Variants in AGAP1 observed in about 807,000 individuals in gnomAD.
The protein encoded by AGAP1 is ArfGAP with GTPase domain, ankyrin repeat and PH domain 1.
AGAP1 carries 29 observed loss-of-function variants against 105.3 expected under a neutral mutation model. The ratio of observed to expected loss-of-function variants is 0.28; its 90% CI spans 0.21 to 0.38. The LOEUF (loss-of-function observed/expected upper bound fraction) is 0.38. Ranked by LOEUF, AGAP1 falls within the 10% of genes least tolerant of loss-of-function variation. The pLI, the probability that AGAP1 is intolerant of heterozygous loss-of-function variation, is 1.00. For missense variants in AGAP1, 998 were observed against 1,165.1 expected, an observed-to-expected ratio of 0.86 and a Z score of 2.09; for synonymous variants, 509 against 485.9, an observed-to-expected ratio of 1.05 and a Z score of -0.63.
At chr2:235,497,376 G>A (rs1941362478) in intron 1 of AGAP1, among the ~76,000 whole-genome samples, 1 of 152,242 alleles carries the variant, frequency 6.6e-6, no homozygotes, top group Admixed American at 6.5e-5. Context: ...AGCTGCCCCT[G>A]CCTGTGCGTG....
At chr2:235,511,455 A>G (rs1942106502) in intron 1 of AGAP1, among the ~76,000 whole-genome samples, 1 of 151,056 alleles carries the variant, frequency 6.6e-6, no homozygotes, top group Non-Finnish European at 1.5e-5. Context: ...GTTCTAGGAA[A>G]CCGGCTTCTC....
chr2:235,820,244 T>C (rs547428770), intron 9 of AGAP1, among the ~76,000 whole-genome samples: 2 of 152,226 alleles, frequency 1.3e-5, no homozygotes, highest in Admixed American at 6.5e-5. Context: ...AAGAATATGT[T>C]ATATTGGAGA....
chr2:235,671,686 G>T (rs1948440579), intron 1 of AGAP1, among the ~76,000 whole-genome samples: 1 of 152,208 alleles, frequency 6.6e-6, no homozygotes, highest in South Asian at 2.1e-4. Context: ...AGGAGAGCGA[G>T]TCTGGGACTG....
chr2:235,561,493 T>C (rs1337555178), intron 1 of AGAP1, among the ~76,000 whole-genome samples: 1 of 152,142 alleles, frequency 6.6e-6, no homozygotes, highest in Non-Finnish European at 1.5e-5. Context: ...TTCCTCTGGC[T>C]GCTGACTTGG....
At position 235,672,191 on chromosome 2, in the gene AGAP1, G is replaced by T. The variant is rs1269641065; in HGVS notation, c.164-36988G>T. On this transcript the variant is annotated intron_variant, in intron 1 of 17. Transcript: ENST00000304032. ...CTGGAGAGGGTATTCATCCCAAGTG[G>T]ACTTAACAGGTCAGCTGACTGCCCC... Among the ~76,000 whole-genome samples the T allele has an allele frequency of 2.0e-5, 3 of 152,284 alleles. No individual in the cohort carries two copies. In the East Asian group the frequency reaches 5.8e-4, roughly 29 times the overall value.
In AGAP1 at chr2:235,808,638, C is replaced by T. The variant is rs1002579475; in HGVS notation, c.1050+1307C>T. ...TGCCCGGGAGCAAGCTTTCTCCTTC[C>T]GTGCTCACAGGGCACGCCTTTGCCA... is the stretch of plus-strand genomic sequence containing the variant. On this transcript the variant is annotated intron_variant, in intron 9 of 17. Transcript: ENST00000304032. Among the ~76,000 whole-genome samples the T allele has an allele frequency of 5.9e-5, 9 of 152,316 alleles. 1 individual carries two copies. The South Asian group carries it at 6.2e-4, about 11-fold the overall frequency.
intron 1 of AGAP1, among the ~76,000 whole-genome samples, chr2:235,619,887 G>A (rs997599095): frequency 6.6e-6 from 1 of 152,166 alleles, no homozygotes; most frequent in Non-Finnish European, 1.5e-5. Flanking sequence ...TGTCCAGAGT[G>A]CGCAGCCAGA....
rs942359253 is a variant in AGAP1, at chr2:235,792,351, A to T, written c.674-5408A>T. ...GGGGTTCATCTGCCTATTCCAGGAG[A>T]GACTATGGTCCTTATCCAGTAGTAC... On this transcript the variant is annotated intron_variant, in intron 6 of 17. Coordinates refer to ENST00000304032, the MANE Select transcript of AGAP1 (RefSeq NM_001037131.3). This position sits in a 1 kb window ranked among gnomAD's most constrained non-coding sequence, Gnocchi z 5.3. Among the ~76,000 whole-genome samples, 1 of 151,996 alleles carries T rather than the reference A, an allele frequency of 6.6e-6. No homozygotes were observed. The highest frequency in any genetic ancestry group is 1.5e-5 in the Non-Finnish European group (1 of 68,014).
chr2:236,021,896 A>T (rs1455793892), intron 13 of AGAP1, among the ~76,000 whole-genome samples: 1 of 151,692 alleles, frequency 6.6e-6, no homozygotes, highest in Non-Finnish European at 1.5e-5. Context: ...CCTTCTCTAC[A>T]AAAAATACAA....
chr2:235,592,966 G>A (rs1464222895), intron 1 of AGAP1, among the ~76,000 whole-genome samples: 3 of 152,102 alleles, frequency 2.0e-5, no homozygotes, highest in Admixed American at 6.5e-5. Context: ...AAGGATGATC[G>A]GTGGCTGGGA....
chr2:235,836,387 A>G (rs1960161186), intron 9 of AGAP1, among the ~76,000 whole-genome samples: 1 of 152,216 alleles, frequency 6.6e-6, no homozygotes, highest in African/African-American at 2.4e-5. Context: ...GGGGGCCGAT[A>G]GAGGAGAAAC....
At chr2:236,116,192 A>G (rs1253417853) in intron 16 of AGAP1, among the ~76,000 whole-genome samples, 2 of 152,106 alleles carry the variant, frequency 1.3e-5, no homozygotes, top group African/African-American at 2.4e-5. Context: ...GGCTCACTGC[A>G]TCCTCCACCC....
intron 9 of AGAP1, among the ~76,000 whole-genome samples, chr2:235,809,338 G>A (rs760908634): frequency 4.6e-5 from 7 of 152,098 alleles, no homozygotes; most frequent in Admixed American, 1.3e-4. Context: ...AAGGAATCTC[G>A]TTGAAATCTA....
At chr2:235,658,008 T>C (rs978638985) in intron 1 of AGAP1, among the ~76,000 whole-genome samples, 11 of 152,110 alleles carry the variant, frequency 7.2e-5, no homozygotes, top group Admixed American at 3.9e-4. Flanking sequence ...ATCTCGGCCT[T>C]CTAGGCTCCA....
At chr2:235,802,798 G>GATT (rs1575504536) in intron 8 of AGAP1, among the ~76,000 whole-genome samples, 3 of 3,124 alleles carry the variant, frequency 9.6e-4, no homozygotes, top group East Asian at 0.015. Context: ...TGGTGATGAT[G>GATT]GTTGTGGTGG....
intron 12 of AGAP1, among the ~76,000 whole-genome samples, chr2:235,935,662 G>T (rs541256348): frequency 4.6e-5 from 7 of 152,308 alleles, no homozygotes; most frequent in Non-Finnish European, 8.8e-5. Context: ...CAATGAAGAG[G>T]CAGCTTTGCT....
At chr2:236,031,589 C>T (rs942747645) in intron 13 of AGAP1, among the ~76,000 whole-genome samples, 17 of 152,098 alleles carry the variant, frequency 1.1e-4, no homozygotes, top group East Asian at 5.8e-4. Flanking sequence ...ATGTGTGAGA[C>T]GCTGAATTCC....
At chr2:235,679,561 C>A (rs1368199680) in intron 1 of AGAP1, among the ~76,000 whole-genome samples, 2 of 152,180 alleles carry the variant, frequency 1.3e-5, no homozygotes, top group African/African-American at 4.8e-5. Flanking sequence ...TTGGCTTAAT[C>A]CCCTTCCCAC....
At chr2:235,629,796 C>A (rs1156890023) in intron 1 of AGAP1, among the ~76,000 whole-genome samples, 5 of 137,988 alleles carry the variant, frequency 3.6e-5, no homozygotes, top group African/African-American at 1.4e-4. Context: ...GCCAGGAGGT[C>A]AAGACTGCAG....
Sources: gnomAD v4.1 joint callset for allele counts (sites outside exome capture counted in the v4.1 genomes callset) on GRCh38, gnomAD v4.1.1 for gene constraint, Gnocchi (gnomAD v3.1) non-coding constraint, MANE v1.5 for transcripts, NCBI Gene and HGNC (gene_info 2026-07-23, HGNC 2026-07-21) for gene names.